KHDRBS2: variants seen among roughly 807,000 people sequenced by gnomAD.
The protein encoded by KHDRBS2 is KH domain-containing, RNA-binding, signal transduction-associated protein 2.
KHDRBS2 carries 26 observed loss-of-function variants against 44.3 expected under a neutral mutation model. The observed-to-expected ratio is 0.59, with a 90% CI of 0.43 to 0.81. The LOEUF is 0.81. Ranked by LOEUF, KHDRBS2 falls within the 40% of genes least tolerant of loss-of-function variation. The pLI is 0.00. For synonymous variants in KHDRBS2, 194 were observed against 151.1 expected (o/e 1.28, Z -2.08); for missense variants, 476 against 433.1 (o/e 1.10, Z -0.88).
intron 7 of KHDRBS2, among the ~76,000 whole-genome samples, chr6:61,707,664 G>T (rs1399047547): frequency 2.0e-5 from 3 of 151,580 alleles, no homozygotes; most frequent in Non-Finnish European, 4.4e-5. Flanking sequence ...TCCGAATCCG[G>T]TCATGATTAA....
chr6:62,116,937 A>T (rs1466607400), intron 2 of KHDRBS2, among the ~76,000 whole-genome samples: 1 of 152,058 alleles, frequency 6.6e-6, no homozygotes, highest in Non-Finnish European at 1.5e-5. Context: ...TCTTTTCTTT[A>T]TGGCTGAATA....
the KHDRBS2 span, among the ~76,000 whole-genome samples, chr6:61,595,557 A>G: frequency 6.6e-6 from 1 of 152,076 alleles, no homozygotes; most frequent in East Asian, 1.9e-4. Context: ...CACTTTGCAT[A>G]TAAAATTATT....
chr6:62,106,180 G>C (rs1435306588), intron 2 of KHDRBS2, among the ~76,000 whole-genome samples: 2 of 152,104 alleles, frequency 1.3e-5, no homozygotes, highest in Non-Finnish European at 2.9e-5. Flanking sequence ...CATTTGCTGA[G>C]GAGAGCTTTA....
At chr6:61,906,369 A>C (rs540156940) in intron 4 of KHDRBS2, among the ~76,000 whole-genome samples, 3 of 152,102 alleles carry the variant, frequency 2.0e-5, no homozygotes, top group Non-Finnish European at 4.4e-5. Context: ...CTATCACCTC[A>C]AGCATCTGTC....
At chr6:61,551,638 G>T in the KHDRBS2 span, among the ~76,000 whole-genome samples, 1 of 152,126 alleles carries the variant, frequency 6.6e-6, no homozygotes. Context: ...CCCATTGCTT[G>T]TTTTTGTCAG....
chr6:61,901,437 A>G (rs1220321006), intron 4 of KHDRBS2, 66 bp from the exon 5 acceptor site: 1 of 1,314,974 alleles, frequency 7.6e-7, no homozygotes, highest in Non-Finnish European at 1.0e-6. Flanking sequence ...TGGAAAAAAA[A>G]AAAAAGAAAC....
intron 2 of KHDRBS2, among the ~76,000 whole-genome samples, chr6:62,162,286 T>C (rs942633691): frequency 3.3e-5 from 5 of 152,072 alleles, no homozygotes; most frequent in African/African-American, 1.2e-4. Flanking sequence ...ATGAACTCTC[T>C]CTGAGCTGTT....
chr6:62,271,953 T>A (rs1298327802), intron 1 of KHDRBS2, among the ~76,000 whole-genome samples: 1 of 152,162 alleles, frequency 6.6e-6, no homozygotes, highest in Non-Finnish European at 1.5e-5. Flanking sequence ...TACAGTAGTG[T>A]ACAGTAATGT....
intron 6 of KHDRBS2, among the ~76,000 whole-genome samples, chr6:61,766,614 C>G (rs1157661845): frequency 6.6e-6 from 1 of 151,928 alleles, no homozygotes; most frequent in Non-Finnish European, 1.5e-5. Flanking sequence ...GAACTTCCCT[C>G]TTAGTACTTC....
chr6:61,621,203 T>G, the KHDRBS2 span, among the ~76,000 whole-genome samples: 1 of 152,120 alleles, frequency 6.6e-6, no homozygotes, highest in Non-Finnish European at 1.5e-5. Flanking sequence ...TGAAAAGGCA[T>G]CCACTGATAA....
the KHDRBS2 span, among the ~76,000 whole-genome samples, chr6:61,543,051 G>A: frequency 5.9e-5 from 9 of 151,898 alleles, no homozygotes; most frequent in Non-Finnish European, 1.2e-4. Flanking sequence ...CATTGGCTGT[G>A]GCAAAGATTT....
At chr6:61,612,522 T>C in the KHDRBS2 span, among the ~76,000 whole-genome samples, 1 of 152,226 alleles carries the variant, frequency 6.6e-6, no homozygotes, top group Admixed American at 6.5e-5. Context: ...ACTCTCAGTG[T>C]TGTTGCAGAA....
At chr6:62,144,958 T>TTCATAA (rs1813615316) in intron 2 of KHDRBS2, among the ~76,000 whole-genome samples, 1 of 151,944 alleles carries the variant, frequency 6.6e-6, no homozygotes, top group South Asian at 2.1e-4. Context: ...TTGAACAGGA[T>TTCATAA]TCATAATTGA....
At chr6:61,735,072 AG>A (rs11310659) in intron 6 of KHDRBS2, among the ~76,000 whole-genome samples, 27,667 of 151,988 alleles carry the variant, frequency 0.18, 2,933 homozygotes, top group East Asian at 0.29. Context: ...GGTATTTTGG[AG>A]AAAAATATTT....
chr6:61,717,811 T>A (rs1251402724), intron 7 of KHDRBS2, among the ~76,000 whole-genome samples: 1 of 152,104 alleles, frequency 6.6e-6, no homozygotes, highest in African/African-American at 2.4e-5. Context: ...TGGTCAGAAC[T>A]TTTTGCAAAG....
intron 5 of KHDRBS2, among the ~76,000 whole-genome samples, chr6:61,896,810 G>C (rs139974802): frequency 9.2e-5 from 14 of 152,238 alleles, no homozygotes; most frequent in African/African-American, 3.1e-4. Flanking sequence ...ATCACCAGTA[G>C]CCTACTGATT....
chr6:61,959,542 T>C (rs893390128), intron 4 of KHDRBS2, among the ~76,000 whole-genome samples: 10 of 152,134 alleles, frequency 6.6e-5, no homozygotes, highest in African/African-American at 2.4e-4. Context: ...TGCAGGGAAA[T>C]TGGAAAAGTT....
At chr6:61,600,904 T>C in the KHDRBS2 span, among the ~76,000 whole-genome samples, 1 of 152,204 alleles carries the variant, frequency 6.6e-6, no homozygotes, top group African/African-American at 2.4e-5. Flanking sequence ...TTTCCTTTTC[T>C]GGTAGAGACA....
intron 3 of KHDRBS2, among the ~76,000 whole-genome samples, chr6:61,997,607 C>A (rs533673138): frequency 2.0e-5 from 3 of 152,196 alleles, no homozygotes; most frequent in African/African-American, 4.8e-5. Flanking sequence ...AAATTTAGGA[C>A]CTTCTTCTAA....
Sources: allele counts gnomAD v4.1 joint callset (sites outside exome capture counted in the v4.1 genomes callset), GRCh38; gene constraint gnomAD v4.1.1; transcripts MANE v1.5; gene names NCBI Gene and HGNC (gene_info 2026-07-23, HGNC 2026-07-21).